Variants in RECQL5 observed in about 807,000 individuals in gnomAD.
RECQL5 encodes the protein ATP-dependent DNA helicase Q5.
A neutral mutation model predicts 103.4 loss-of-function variants in RECQL5; 88 were observed. That is an observed-to-expected ratio of 0.85 (90% CI 0.72 to 1.02). The LOEUF is 1.02. Among genes scored for constraint, RECQL5 ranks in the 50% least tolerant of loss-of-function variants. RECQL5 has a pLI of 0.00. For missense variants in RECQL5, 1,232 were observed against 1,284.3 expected, an observed-to-expected ratio of 0.96 and a Z score of 0.62; for synonymous variants, 552 against 507.9, an observed-to-expected ratio of 1.09 and a Z score of -1.17.
chr17:75,662,049 T>A (rs2059706655), intron 4 of RECQL5, among the ~76,000 whole-genome samples: 1 of 152,154 alleles, frequency 6.6e-6, no homozygotes, highest in Non-Finnish European at 1.5e-5. Context: ...TAATCCCAGC[T>A]ACTTGGGAGG....
At chr17:75,633,510 A>G (rs1473516468) in intron 8 of RECQL5, 15 of 1,288,320 alleles carry the variant, frequency 1.2e-5, no homozygotes, top group Non-Finnish European at 1.5e-5. Flanking sequence ...CTCCCAGGTC[A>G]CTCAGGATTC....
chr17:75,629,356 G>T lies in RECQL5; in HGVS notation c.2067C>A (p.Gly689=). ...REQAPQPERG[G]EHEPPSRPCG... ...AGGGCCGGCTCGGGGGCTCGTGCTC[G>T]CCTCCCCGCTCGGGCTGGGGGGCTT... The change falls in exon 16 of 20, where the codon GGC becomes GGA. Residue 689 remains glycine, a synonymous_variant. Transcript: ENST00000317905. The T allele has an allele frequency of 6.6e-7, 1 of 1,513,432 alleles. No individual in the cohort carries two copies. Among genetic ancestry groups the T allele is most frequent in the Non-Finnish European group, 8.8e-7 (1 of 1,131,420 alleles). 93.8% of individuals were successfully genotyped at this position (1,513,432 alleles called of 1,614,324 possible). A position where few individuals can be genotyped will look rare whatever the true frequency, so the allele number is the denominator to read the frequency against.
chr17:75,650,717 G>T, intron 8 of RECQL5: 1 of 1,613,024 alleles, frequency 6.2e-7, no homozygotes, highest in Non-Finnish European at 8.5e-7. Flanking sequence ...CTGCCCCATC[G>T]CCTGCAGATG....
intron 16 of RECQL5, 63 bp downstream of exon 16, chr17:75,628,871 A>C (rs751239667): frequency 2.4e-5 from 38 of 1,585,924 alleles, no homozygotes; most frequent in East Asian, 2.0e-4. Context: ...TCAGACGCCC[A>C]GTGAGCAAAG....
At position 75,629,705 on chromosome 17, in the gene RECQL5, C is replaced by T. The variant is rs2059170517; in HGVS notation, c.1947+3G>A. 1.9e-6 allele frequency: 3 copies of T among 1,604,532 alleles called. No individual in the cohort carries two copies. Among genetic ancestry groups the T allele is most frequent in the South Asian group, 1.1e-5 (1 of 90,526 alleles). On this transcript the variant is annotated splice_donor_region_variant and intron_variant, in intron 15 of 19. Transcript: ENST00000317905. Reference sequence around the variant, plus strand: ...GTCTGGAGGCCACTGGGCCACAGCTCACCGAGTACACATGGGAGGCTGGTG... The same window carrying T: ...GTCTGGAGGCCACTGGGCCACAGCTTACCGAGTACACATGGGAGGCTGGTG...
Position 75,631,142 on chromosome 17 carries a change from C to G in RECQL5, c.1548+8G>C. 6.2e-7 allele frequency: 1 copy of G among 1,613,484 alleles called. No individual in the cohort carries two copies. Among genetic ancestry groups the G allele is most frequent in the African/African-American group, 1.3e-5 (1 of 75,060 alleles). On this transcript the variant is annotated splice_region_variant and intron_variant, in intron 10 of 19. Coordinates refer to ENST00000317905, the MANE Select transcript of RECQL5 (RefSeq NM_004259.7). ...GCCCCACACAGGCCACTGAGTGCCT[C>G]CCCTCACCTTGCGCAGCTGCATCTG...
In RECQL5 at chr17:75,665,121, C is replaced by T. The variant is rs2059750774; in HGVS notation, c.182G>A (p.Cys61Tyr). The change falls in exon 3 of 20, where the codon TGC becomes TAC. Residue 61 changes from cysteine to tyrosine, a missense_variant. Transcript: ENST00000317905. ...CMPTGAGKSL[C>Y]YQLPALLAKG... is the part of the protein sequence containing the mutation. The stretch of plus-strand genomic sequence containing the variant: ...GGCCAACAGAGCAGGGAGCTGATAG[C>T]ATAGGGATTTTCCTGCCCCTGTGGG... 1 of 1,612,122 alleles carries T rather than the reference C, an allele frequency of 6.2e-7. No homozygotes were observed. Among genetic ancestry groups the T allele is most frequent in the Admixed American group, 1.7e-5 (1 of 59,614 alleles).
intron 19 of RECQL5, 22 bp downstream of exon 19, chr17:75,627,601 C>T (rs1229235335): frequency 6.2e-7 from 1 of 1,613,536 alleles, no homozygotes; most frequent in Non-Finnish European, 8.5e-7. Flanking sequence ...TGCCTCCTGG[C>T]CCTGGCAATG....
At chr17:75,651,372 A>G in intron 7 of RECQL5, 107 bp from the exon 8 acceptor site, 1 of 1,307,416 alleles carries the variant, frequency 7.6e-7, no homozygotes, top group Non-Finnish European at 1.1e-6. Context: ...CTGTAATCCC[A>G]GCACTTTGGG....
At chr17:75,660,882 TTGGG>T in intron 6 of RECQL5, 69 bp downstream of exon 6, 1 of 1,113,674 alleles carries the variant, frequency 9.0e-7, no homozygotes, top group Non-Finnish European at 1.4e-6. Flanking sequence ...ACCTGGTCCT[TTGGG>T]CACAGCACTA....
intron 2 of RECQL5, among the ~76,000 whole-genome samples, chr17:75,665,549 G>A (rs1029670504): frequency 3.3e-5 from 5 of 152,200 alleles, no homozygotes; most frequent in African/African-American, 1.2e-4. Flanking sequence ...AATTACCCAG[G>A]CATGGTGGCA....
intron 8 of RECQL5, chr17:75,639,281 G>A (rs543792032): frequency 1.3e-5 from 2 of 152,440 alleles, no homozygotes. Context: ...CCCTGGATTA[G>A]AGCAACTGCC....
chr17:75,632,948 G>C lies in RECQL5; in HGVS notation c.1230-1280C>G, dbSNP rs528319375. On this transcript the variant is annotated intron_variant, in intron 8 of 19. Transcript: ENST00000317905. ...GCTGCGGCTGCAAGAAGCCCTTTGA[G>C]GGGCTGCGACCCCAAGGCGCAGGCT... Among the ~76,000 whole-genome samples the C allele has an allele frequency of 8.7e-4, 132 of 152,366 alleles. 3 individuals carry two copies. The South Asian group carries it at 0.027, about 31-fold the overall frequency.
At position 75,629,320 on chromosome 17, in the gene RECQL5, CAGG is replaced by C; in HGVS notation, c.2100_2102del (p.Leu701del). ...GGAGGGGCTCACTCCCATCCTCATC[CAGG>C]AGGCCACAGGGCCGGCTCGGGGGCT... On this transcript the variant is annotated inframe_deletion, in exon 16 of 20. Transcript: ENST00000317905. 6.5e-7 allele frequency: 1 copy of C among 1,541,008 alleles called. No individual in the cohort carries two copies. The highest frequency in any genetic ancestry group is 8.7e-7 in the Non-Finnish European group (1 of 1,143,324).
intron 8 of RECQL5, chr17:75,635,915 G>A: frequency 2.1e-6 from 2 of 965,276 alleles, no homozygotes; most frequent in Non-Finnish European, 1.2e-6. Flanking sequence ...GGGACCAAGT[G>A]GCAGCTGTCT....
rs1339935296 is a variant in RECQL5, at chr17:75,636,072, T to C, written c.1230-4404A>G. 6.6e-6 allele frequency among the ~76,000 whole-genome samples: 1 copy of C among 152,218 alleles called. No homozygotes were observed. Among genetic ancestry groups the C allele is most frequent in the Non-Finnish European group, 1.5e-5 (1 of 68,044 alleles). ...CCGCTACTGCAGCCAGGGCACACCCTCTGAAGGCTCCAAGCAGGGCTGGCT... is the reference window on the plus strand; with the variant it reads ...CCGCTACTGCAGCCAGGGCACACCCCCTGAAGGCTCCAAGCAGGGCTGGCT... On this transcript the variant is annotated intron_variant, in intron 8 of 19. Coordinates refer to ENST00000317905, the MANE Select transcript of RECQL5 (RefSeq NM_004259.7). This position sits in a 1 kb window ranked among gnomAD's most constrained non-coding sequence, Gnocchi z 5.4.
chr17:75,632,143 C>A (rs576671877), intron 8 of RECQL5, among the ~76,000 whole-genome samples: 1 of 152,172 alleles, frequency 6.6e-6, no homozygotes, highest in Admixed American at 6.5e-5. Context: ...ACAGTCATGC[C>A]CCATGGAATG....
intron 14 of RECQL5, 27 bp downstream of exon 14, chr17:75,630,157 C>T: frequency 6.6e-7 from 1 of 1,522,128 alleles, no homozygotes. Context: ...CCTGCAACGA[C>T]CCTGGGTCCG....
Position 75,640,762 on chromosome 17 carries a change from G to T in RECQL5, c.1230-9094C>A. ...GGGCATCCTTTCTCTCCCCCAACCTGAGTCCCGTGCTCTCTCCCGGCCCTC... is the reference window on the plus strand; with the variant it reads ...GGGCATCCTTTCTCTCCCCCAACCTTAGTCCCGTGCTCTCTCCCGGCCCTC... On this transcript the variant is annotated intron_variant, in intron 8 of 19. Transcript: ENST00000317905. The surrounding 1 kb of genome is among the most constrained non-coding windows in gnomAD (Gnocchi z 4.6). The T allele has an allele frequency of 6.5e-7, 1 of 1,544,610 alleles. No homozygotes were observed.
Sources: allele counts gnomAD v4.1 joint callset (sites outside exome capture counted in the v4.1 genomes callset), GRCh38; gene constraint gnomAD v4.1.1; non-coding constraint Gnocchi (gnomAD v3.1); transcripts MANE v1.5; gene names NCBI Gene and HGNC (gene_info 2026-07-23, HGNC 2026-07-21).